Variants in CHODL observed in about 807,000 individuals in gnomAD.
The protein encoded by CHODL is transmembrane protein MT75.
Under a neutral mutation model 34.5 loss-of-function variants are expected in CHODL, and 29 were observed. The observed-to-expected ratio is 0.84, with a 90% CI of 0.63 to 1.15. The LOEUF is 1.15. Among genes scored for constraint, CHODL ranks in the 50% most tolerant of loss-of-function variants. The probability of loss-of-function intolerance (pLI) is 0.00; values close to 1 mark genes in which losing one functional copy is unlikely to be tolerated. For missense variants in CHODL, 332 were observed against 332.5 expected (o/e 1.00, Z 0.01); for synonymous variants, 125 against 116.1 (o/e 1.08, Z -0.49).
chr21:18,261,368 A>C (rs1486752346), intron 4 of CHODL, among the ~76,000 whole-genome samples: 2 of 152,026 alleles, frequency 1.3e-5, no homozygotes, highest in Admixed American at 6.6e-5. Flanking sequence ...GATAAAAAAA[A>C]AAAAAAAGAT....
chr21:18,141,927 C>T (rs573455604), intron 2 of CHODL, among the ~76,000 whole-genome samples: 62 of 152,054 alleles, frequency 4.1e-4, no homozygotes, highest in African/African-American at 1.4e-3. Flanking sequence ...GTGAACTGAC[C>T]GGTGCTTCAC....
chr21:18,148,553 G>C (rs2824658), intron 2 of CHODL, among the ~76,000 whole-genome samples: 93,497 of 151,926 alleles, frequency 0.62, 30,740 homozygotes, highest in Non-Finnish European at 0.75. Flanking sequence ...TTTAGAAATG[G>C]ATACAGTACA....
intron 2 of CHODL, among the ~76,000 whole-genome samples, chr21:18,072,677 A>G (rs1032407068): frequency 6.6e-6 from 1 of 152,002 alleles, no homozygotes; most frequent in Non-Finnish European, 1.5e-5. Context: ...TAAAAAAAAA[A>G]CCCATGGATG....
intron 1 of CHODL, among the ~76,000 whole-genome samples, chr21:18,007,139 T>C (rs1248065509): frequency 1.3e-5 from 2 of 152,114 alleles, no homozygotes; most frequent in East Asian, 1.9e-4. Context: ...AAAAAACTAC[T>C]TCAAGAAAAA....
intron 2 of CHODL, among the ~76,000 whole-genome samples, chr21:18,096,948 T>C (rs1411031612): frequency 2.6e-5 from 4 of 152,124 alleles, no homozygotes; most frequent in African/African-American, 4.8e-5. Flanking sequence ...GTGCTCTTTC[T>C]CTTTATTTCT....
chr21:18,050,383 G>C (rs1024091012), intron 2 of CHODL, among the ~76,000 whole-genome samples: 1 of 151,946 alleles, frequency 6.6e-6, no homozygotes, highest in African/African-American at 2.4e-5. Context: ...AAGCAAGAAA[G>C]GCATTTCTGT....
At chr21:18,202,070 G>A (rs1049352481) in intron 2 of CHODL, among the ~76,000 whole-genome samples, 1 of 152,082 alleles carries the variant, frequency 6.6e-6, no homozygotes, top group Non-Finnish European at 1.5e-5. Context: ...CTCCCAAAGT[G>A]CTGGGATTAC....
chr21:18,000,876 CTT>C (rs921563733), intron 1 of CHODL, among the ~76,000 whole-genome samples: 1 of 151,442 alleles, frequency 6.6e-6, no homozygotes, highest in Non-Finnish European at 1.5e-5. Context: ...TTTTCTTTTT[CTT>C]TTTTTTTCCT....
chr21:18,258,238 C>T (rs953601853), intron 3 of CHODL, among the ~76,000 whole-genome samples: 5 of 151,866 alleles, frequency 3.3e-5, no homozygotes, highest in East Asian at 1.9e-4. Flanking sequence ...TTGCTAAACC[C>T]GTCATTACCC....
At chr21:17,951,814 T>C (rs1184849239) in intron 1 of CHODL, among the ~76,000 whole-genome samples, 10 of 152,082 alleles carry the variant, frequency 6.6e-5, no homozygotes, top group Non-Finnish European at 1.2e-4. Flanking sequence ...TTGATCAAAT[T>C]GAACAGAGCC....
intron 1 of CHODL, among the ~76,000 whole-genome samples, chr21:17,921,676 G>A (rs768748928): frequency 1.3e-5 from 2 of 152,158 alleles, no homozygotes; most frequent in Admixed American, 6.5e-5. Flanking sequence ...GGACTTAGGG[G>A]TTGTTTATTA....
At chr21:18,188,065 C>G (rs1373095557) in intron 2 of CHODL, among the ~76,000 whole-genome samples, 1 of 151,926 alleles carries the variant, frequency 6.6e-6, no homozygotes, top group Admixed American at 6.6e-5. Flanking sequence ...ATACTTTTCC[C>G]TTTCCTTTTC....
intron 2 of CHODL, among the ~76,000 whole-genome samples, chr21:18,084,679 G>C (rs2064982219): frequency 6.6e-6 from 1 of 152,086 alleles, no homozygotes; most frequent in African/African-American, 2.4e-5. Context: ...CTTGTTTTAT[G>C]GCCTAATACA....
chr21:17,927,034 ATGTATATGTATGCATATATG>A (rs1954712530), intron 1 of CHODL, among the ~76,000 whole-genome samples: 3 of 151,448 alleles, frequency 2.0e-5, no homozygotes, highest in East Asian at 1.9e-4. Context: ...GTATGCATAT[ATGTATATGTATGCATATATG>A]TGTATATGTA....
intron 1 of CHODL, among the ~76,000 whole-genome samples, chr21:18,000,905 T>G (rs1377364654): frequency 6.6e-6 from 1 of 152,204 alleles, no homozygotes; most frequent in Non-Finnish European, 1.5e-5. Context: ...GGTTTCAAAT[T>G]TCAACACTGA....
intron 2 of CHODL, among the ~76,000 whole-genome samples, chr21:18,086,769 G>A (rs1001275925): frequency 6.6e-6 from 1 of 152,200 alleles, no homozygotes; most frequent in South Asian, 2.1e-4. Flanking sequence ...TTCGGCCCCA[G>A]AGCAGCAACC....
chr21:18,060,241 G>A (rs1012318836), intron 2 of CHODL, among the ~76,000 whole-genome samples: 4 of 152,018 alleles, frequency 2.6e-5, no homozygotes, highest in African/African-American at 9.7e-5. Flanking sequence ...GATCGCTTGA[G>A]TTCAGGAGTT....
At chr21:17,998,544 G>A (rs1033677160) in intron 1 of CHODL, among the ~76,000 whole-genome samples, 7 of 152,208 alleles carry the variant, frequency 4.6e-5, no homozygotes, top group South Asian at 2.1e-4. Context: ...TGCCCCTGCA[G>A]CAAACTTTTG....
At chr21:18,110,566 A>G (rs901372440) in intron 2 of CHODL, among the ~76,000 whole-genome samples, 2 of 133,178 alleles carry the variant, frequency 1.5e-5, no homozygotes, top group African/African-American at 5.1e-5. Flanking sequence ...TACAGCTGAT[A>G]CCTGCCAACA....
Sources: allele counts gnomAD v4.1 joint callset (sites outside exome capture counted in the v4.1 genomes callset), GRCh38; gene constraint gnomAD v4.1.1; transcripts MANE v1.5; gene names NCBI Gene and HGNC (gene_info 2026-07-23, HGNC 2026-07-21).